The following PRELID2 variants were observed in gnomAD, a reference collection of about 807,000 sequenced individuals.
PRELID2 encodes PRELI domain containing 2.
In PRELID2, 25 loss-of-function variants were observed where a neutral mutation model predicts 28.4. That is an observed-to-expected ratio of 0.88 (90% CI 0.64 to 1.23). The LOEUF is 1.23. Among genes scored for constraint, PRELID2 ranks in the 50% most tolerant of loss-of-function variants. The probability of loss-of-function intolerance (pLI) is 0.00; values close to 1 mark genes in which losing one functional copy is unlikely to be tolerated. For missense variants in PRELID2, 201 were observed against 214.4 expected, an observed-to-expected ratio of 0.94 and a Z score of 0.39; for synonymous variants, 76 against 71.6, an observed-to-expected ratio of 1.06 and a Z score of -0.31.
the PRELID2 span, among the ~76,000 whole-genome samples, chr5:145,352,375 G>T: frequency 6.6e-6 from 1 of 152,136 alleles, no homozygotes; most frequent in Admixed American, 6.5e-5. Context: ...AAAGGCTTGG[G>T]GCTTGTACTT....
intron 1 of PRELID2, among the ~76,000 whole-genome samples, chr5:145,622,516 C>T (rs1457489472): frequency 6.6e-6 from 1 of 151,874 alleles, no homozygotes; most frequent in African/African-American, 2.4e-5. Flanking sequence ...ATAGATGAAC[C>T]AAAACAATTA....
chr5:145,664,423 T>G (rs1280085868), intron 1 of PRELID2, among the ~76,000 whole-genome samples: 1 of 152,118 alleles, frequency 6.6e-6, no homozygotes, highest in East Asian at 1.9e-4. Flanking sequence ...CTAGGTTTCT[T>G]TCTTCCTGGC....
chr5:145,630,124 G>A (rs76518531), intron 1 of PRELID2, among the ~76,000 whole-genome samples: 5,070 of 149,734 alleles, frequency 0.034, 157 homozygotes, highest in African/African-American at 0.082. Context: ...AAAAATGTTT[G>A]GATGCATGGA....
At chr5:145,381,197 T>A in the PRELID2 span, among the ~76,000 whole-genome samples, 12 of 152,150 alleles carry the variant, frequency 7.9e-5, no homozygotes, top group African/African-American at 2.9e-4. Context: ...CAGTTCCATG[T>A]TTATGCATCT....
At chr5:145,348,725 G>C in the PRELID2 span, among the ~76,000 whole-genome samples, 7 of 151,362 alleles carry the variant, frequency 4.6e-5, no homozygotes, top group Non-Finnish European at 1.0e-4. Flanking sequence ...GAGACATTTA[G>C]AGAGTTCTAA....
chr5:145,311,116 T>G, the PRELID2 span, among the ~76,000 whole-genome samples: 1 of 152,214 alleles, frequency 6.6e-6, no homozygotes, highest in Non-Finnish European at 1.5e-5. Flanking sequence ...TTGCAGAAAC[T>G]AAAGTATTTC....
At chr5:145,485,639 C>T (rs1450660715) in intron 1 of PRELID2, among the ~76,000 whole-genome samples, 1 of 152,184 alleles carries the variant, frequency 6.6e-6, no homozygotes, top group African/African-American at 2.4e-5. Flanking sequence ...AAATGGCAGT[C>T]TTAACCGCTG....
At chr5:145,728,982 G>A (rs1756255757) in intron 1 of PRELID2, 3 of 749,700 alleles carry the variant, frequency 4.0e-6, no homozygotes, top group Non-Finnish European at 7.4e-6. Context: ...CACAATCTGA[G>A]GATCAGAGGG....
intron 1 of PRELID2, among the ~76,000 whole-genome samples, chr5:145,528,319 T>C (rs1752625736): frequency 6.6e-6 from 1 of 152,142 alleles, no homozygotes; most frequent in South Asian, 2.1e-4. Context: ...CCTCAGTACT[T>C]ATCACAGTCC....
chr5:145,488,543 G>A (rs1241313644), intron 1 of PRELID2, among the ~76,000 whole-genome samples: 3 of 151,858 alleles, frequency 2.0e-5, no homozygotes, highest in Non-Finnish European at 4.4e-5. Context: ...CTATTATGAG[G>A]ATTAAGATAG....
chr5:145,667,984 G>A (rs904712397), intron 1 of PRELID2, among the ~76,000 whole-genome samples: 4 of 152,082 alleles, frequency 2.6e-5, no homozygotes, highest in African/African-American at 9.7e-5. Context: ...GGCTTGATGC[G>A]CAAAAGCAAG....
chr5:145,557,246 CAAGCTG>C (rs1363439289), intron 1 of PRELID2, among the ~76,000 whole-genome samples: 1 of 152,134 alleles, frequency 6.6e-6, no homozygotes, highest in African/African-American at 2.4e-5. Context: ...TAAGTTTGCC[CAAGCTG>C]GCGACCAGAT....
At chr5:145,795,887 T>C (rs989886104) in intron 5 of PRELID2, 2 of 152,268 alleles carry the variant, frequency 1.3e-5, no homozygotes, top group Admixed American at 6.6e-5. Context: ...CACAGGACCT[T>C]AGAACTCCAA....
intron 1 of PRELID2, among the ~76,000 whole-genome samples, chr5:145,824,817 T>A (rs996303857): frequency 3.9e-5 from 6 of 152,164 alleles, no homozygotes; most frequent in African/African-American, 1.4e-4. Flanking sequence ...GTTGGTAAAC[T>A]CTGTCATTCA....
chr5:145,835,142 A>C, intron 1 of PRELID2, 35 bp downstream of exon 1: 1 of 1,455,344 alleles, frequency 6.9e-7, no homozygotes, highest in Non-Finnish European at 9.4e-7. Context: ...CAGCGGAGGC[A>C]GCGCGGGATA....
the PRELID2 span, among the ~76,000 whole-genome samples, chr5:145,248,400 T>C: frequency 6.6e-6 from 1 of 152,122 alleles, no homozygotes; most frequent in East Asian, 1.9e-4. Context: ...GTAAAACATA[T>C]TTCAATAGAA....
the PRELID2 span, among the ~76,000 whole-genome samples, chr5:145,405,953 C>T: frequency 1.3e-5 from 2 of 152,038 alleles, no homozygotes; most frequent in Non-Finnish European, 2.9e-5. Context: ...GATCCACTCA[C>T]CTCAGCCTCC....
the PRELID2 span, among the ~76,000 whole-genome samples, chr5:145,280,648 T>C: frequency 6.6e-6 from 1 of 151,712 alleles, no homozygotes; most frequent in Non-Finnish European, 1.5e-5. Context: ...ACTTAAAGTA[T>C]AATAATAATA....
intron 1 of PRELID2, among the ~76,000 whole-genome samples, chr5:145,543,164 T>C (rs1384529765): frequency 2.0e-5 from 3 of 152,132 alleles, no homozygotes; most frequent in Non-Finnish European, 4.4e-5. Flanking sequence ...ATTTCACATT[T>C]GCTTGAGTTA....
Sources: gnomAD v4.1 joint callset for allele counts (sites outside exome capture counted in the v4.1 genomes callset) on GRCh38, gnomAD v4.1.1 for gene constraint, MANE v1.5 for transcripts, NCBI Gene and HGNC (gene_info 2026-07-23, HGNC 2026-07-21) for gene names.